The following GABRG1 variants were observed in gnomAD, a reference collection of about 807,000 sequenced individuals.
The protein encoded by GABRG1 is gamma-aminobutyric acid type A receptor subunit gamma1, also known as gamma-aminobutyric acid receptor subunit gamma-1.
In GABRG1, 49 loss-of-function variants were observed where a neutral mutation model predicts 49.8. The ratio of observed to expected loss-of-function variants is 0.98; its 90% CI spans 0.78 to 1.25. GABRG1 has a LOEUF of 1.25. GABRG1 is among the 50% of genes most tolerant of loss of function. GABRG1 has a pLI of 0.00. For synonymous variants in GABRG1, 232 were observed against 185.1 expected (o/e 1.25, Z -2.06); for missense variants, 552 against 552.3 (o/e 1.00, Z 0.01).
chr4:46,117,672 G>GTA (rs1322386506), intron 1 of GABRG1, among the ~76,000 whole-genome samples: 16 of 137,472 alleles, frequency 1.2e-4, no homozygotes, highest in Admixed American at 1.5e-4. Flanking sequence ...GTATATAGCT[G>GTA]TATATATATA....
chr4:46,102,604 TTCA>T (rs375301459), intron 1 of GABRG1, among the ~76,000 whole-genome samples: 12,215 of 151,640 alleles, frequency 0.081, 947 homozygotes, highest in African/African-American at 0.2. Context: ...CAAAGACTTC[TTCA>T]CACATTCAAT....
intron 1 of GABRG1, among the ~76,000 whole-genome samples, chr4:46,114,799 A>G (rs765813797): frequency 3.9e-4 from 59 of 151,058 alleles, no homozygotes; most frequent in Non-Finnish European, 5.6e-4. Flanking sequence ...TAAAAAACAT[A>G]CTAACTTTCT....
At chr4:46,117,818 C>G (rs569604897) in intron 1 of GABRG1, among the ~76,000 whole-genome samples, 11 of 100,894 alleles carry the variant, frequency 1.1e-4, no homozygotes, top group East Asian at 4.7e-4. Context: ...ACATGTGTAT[C>G]TATATACATA....
At chr4:46,118,283 T>C (rs536965105) in intron 1 of GABRG1, among the ~76,000 whole-genome samples, 3 of 150,164 alleles carry the variant, frequency 2.0e-5, no homozygotes, top group Non-Finnish European at 4.5e-5. Flanking sequence ...TCTATCTACC[T>C]ACCTATCTAG....
chr4:46,117,592 G>GTC lies in GABRG1; in HGVS notation c.104+6216_104+6217dup, dbSNP rs369617928. Among the ~76,000 whole-genome samples, 543 of 87,258 alleles carry GTC rather than the reference G, an allele frequency of 6.2e-3. 5 individuals carry two copies. The highest frequency in any genetic ancestry group is 0.024 in the African/African-American group (462 of 19,348). 57.2% of individuals were successfully genotyped at this position (87,258 alleles called of 152,430 possible). ...TCTCTCTCTCTCTCTGTCTCTCTTT[G>GTC]TCTCTCTCTCTCTCTCTCTCTATAT... On this transcript the variant is annotated intron_variant, in intron 1 of 8. Coordinates refer to ENST00000295452, the MANE Select transcript of GABRG1 (RefSeq NM_173536.4).
At chr4:46,098,145 TA>T (rs1720245874) in intron 1 of GABRG1, among the ~76,000 whole-genome samples, 1 of 151,764 alleles carries the variant, frequency 6.6e-6, no homozygotes, top group Non-Finnish European at 1.5e-5. Flanking sequence ...CCTCTCCAAC[TA>T]TTGCTTTCTG....
At chr4:46,058,135 T>C (rs888693202) in intron 7 of GABRG1, 82 bp downstream of exon 7, 2 of 1,341,420 alleles carry the variant, frequency 1.5e-6, no homozygotes, top group Middle Eastern at 1.9e-4. Context: ...ATATATCTAA[T>C]AAATGTGACT....
chr4:46,115,716 A>C (rs571567353), intron 1 of GABRG1, among the ~76,000 whole-genome samples: 56 of 150,794 alleles, frequency 3.7e-4, no homozygotes, highest in Non-Finnish European at 7.7e-4. Context: ...GATCTCTTCA[A>C]AATTACATCT....
chr4:46,105,661 T>A (rs1173951589), intron 1 of GABRG1, among the ~76,000 whole-genome samples: 3 of 151,444 alleles, frequency 2.0e-5, no homozygotes, highest in Non-Finnish European at 3.0e-5. Context: ...TTAATTTGAA[T>A]GTCCAATATG....
rs545674513 is a variant in GABRG1 at position 46,058,496 on chromosome 4, T to A, written c.752A>T (p.His251Leu). Reference sequence around the variant, plus strand: ...AGTATTCTTTTTACCAGAGATCGTGTGAGTGATTTCAGTTGAGTTCCGTAA... The same window carrying A: ...AGTATTCTTTTTACCAGAGATCGTGAGAGTGATTTCAGTTGAGTTCCGTAA... ...VGLRNSTEITHTISGDYVIMT... is the reference protein window; with the variant it reads ...VGLRNSTEITLTISGDYVIMT... The change falls in exon 6 of 9, where the codon CAC becomes CTC. Residue 251 changes from histidine to leucine, a missense_variant. Physicochemically the swap from His to Leu is moderately conservative, Grantham distance 99 (BLOSUM62 -3). Coordinates refer to ENST00000295452, the MANE Select transcript of GABRG1 (RefSeq NM_173536.4). 1 of 1,612,850 alleles carries A rather than the reference T, an allele frequency of 6.2e-7. No homozygotes were observed. Among genetic ancestry groups the A allele is most frequent in the East Asian group, 2.2e-5 (1 of 44,784 alleles).
At chr4:46,105,878 T>C (rs1033791556) in intron 1 of GABRG1, among the ~76,000 whole-genome samples, 1 of 151,420 alleles carries the variant, frequency 6.6e-6, no homozygotes. Flanking sequence ...CACTTTCCTT[T>C]GTATTGATTG....
chr4:46,057,041 A>G (rs1393669776), intron 7 of GABRG1, among the ~76,000 whole-genome samples: 6 of 152,136 alleles, frequency 3.9e-5, no homozygotes, highest in South Asian at 2.1e-4. Flanking sequence ...GGTTATACTA[A>G]TTTACATTCC....
chr4:46,069,321 T>G (rs1191725506), intron 3 of GABRG1, among the ~76,000 whole-genome samples: 1 of 152,048 alleles, frequency 6.6e-6, no homozygotes, highest in Non-Finnish European at 1.5e-5. Flanking sequence ...GACCTAATAA[T>G]TTTTAGCAGT....
At chr4:46,066,078 G>A (rs1718910676) in intron 3 of GABRG1, among the ~76,000 whole-genome samples, 1 of 152,122 alleles carries the variant, frequency 6.6e-6, no homozygotes, top group Admixed American at 6.5e-5. Context: ...ATTTCAAGTA[G>A]TTATTGTTGC....
Position 46,051,559 on chromosome 4 carries a change from C to A in GABRG1, c.996G>T (p.Ala332=). The A allele has an allele frequency of 1.2e-6, 2 of 1,611,552 alleles. No homozygotes were observed. The highest frequency in any genetic ancestry group is 1.7e-6 in the Non-Finnish European group (2 of 1,178,492). The change falls in exon 8 of 9, where the codon GCG becomes GCT. Residue 332 remains alanine, a synonymous_variant. Coordinates refer to ENST00000295452, the MANE Select transcript of GABRG1 (RefSeq NM_173536.4). ...AACAAACAGAAACAAAGAGATCCAT[C>A]GCAGTCACATAAGAAACCTTAGGTA... ...KSLPKVSYVT[A]MDLFVSVCFI... is the part of the protein sequence containing the mutation.
intron 1 of GABRG1, among the ~76,000 whole-genome samples, chr4:46,110,691 G>A (rs1214617033): frequency 1.3e-5 from 2 of 150,982 alleles, no homozygotes; most frequent in Non-Finnish European, 3.0e-5. Flanking sequence ...ATATAAGGTT[G>A]GTTCACCATA....
At chr4:46,081,385 T>G (rs1207337455) in intron 3 of GABRG1, among the ~76,000 whole-genome samples, 1 of 151,864 alleles carries the variant, frequency 6.6e-6, no homozygotes, top group Non-Finnish European at 1.5e-5. Flanking sequence ...CTTGCACTAA[T>G]GTGACAAAGA....
chr4:46,086,377 T>A (rs1001481559), intron 2 of GABRG1, among the ~76,000 whole-genome samples: 12 of 151,668 alleles, frequency 7.9e-5, no homozygotes, highest in Admixed American at 6.6e-4. Context: ...GGTATATCAG[T>A]GAGAAAATAT....
intron 2 of GABRG1, among the ~76,000 whole-genome samples, chr4:46,088,813 G>GTT (rs1491570846): frequency 7.0e-6 from 1 of 143,194 alleles, no homozygotes; most frequent in African/African-American, 2.7e-5. Flanking sequence ...GTTTGTGTGT[G>GTT]TTTGTGTGTG....
Sources: gnomAD v4.1 joint callset for allele counts (sites outside exome capture counted in the v4.1 genomes callset) on GRCh38, gnomAD v4.1.1 for gene constraint, MANE v1.5 for transcripts, NCBI Gene and HGNC (gene_info 2026-07-23, HGNC 2026-07-21) for gene names.